PHYKPL: variants seen among roughly 807,000 people sequenced by gnomAD.
PHYKPL encodes the protein 5-phosphohydroxy-L-lysine phospho-lyase.
A neutral mutation model predicts 51.3 loss-of-function variants in PHYKPL; 42 were observed. The ratio of observed to expected loss-of-function variants is 0.82; its 90% CI spans 0.64 to 1.06. The LOEUF (loss-of-function observed/expected upper bound fraction) is 1.06. PHYKPL is among the 50% of genes least tolerant of loss of function. The pLI, the probability that PHYKPL is intolerant of heterozygous loss-of-function variation, is 0.00. For missense variants in PHYKPL, 655 were observed against 586.6 expected (o/e 1.12, Z -1.20); for synonymous variants, 264 against 236.0 (o/e 1.12, Z -1.09).
chr5:178,221,024 G>A (rs995187986), intron 8 of PHYKPL, among the ~76,000 whole-genome samples: 4 of 152,092 alleles, frequency 2.6e-5, no homozygotes, highest in African/African-American at 9.7e-5. Flanking sequence ...GGGAATTGGG[G>A]GGAACATCTG....
Position 178,232,540 on chromosome 5 carries a change from T to G in PHYKPL, c.11A>C (p.Asp4Ala). 1 of 1,164,998 alleles carries G rather than the reference T, an allele frequency of 8.6e-7. No individual in the cohort carries two copies. Among genetic ancestry groups the G allele is most frequent in the Non-Finnish European group, 1.1e-6 (1 of 944,378 alleles). The allele number at this position is 1,164,998 out of a possible 1,614,324, so 72.2% of individuals were successfully genotyped here. MAA[D>A]QRPKADTLAL... ...CAGCGTGTCGGCCTTCGGGCGCTGGTCTGCGGCCATGGTGGGTGGCCGTCA... is the reference window on the plus strand; with the variant it reads ...CAGCGTGTCGGCCTTCGGGCGCTGGGCTGCGGCCATGGTGGGTGGCCGTCA... The change falls in exon 1 of 13, where the codon GAC (aspartate) becomes GCC (alanine). Residue 4 changes from aspartate to alanine, a missense_variant. By Grantham distance (126) the Asp-to-Ala change is moderately radical. Transcript: ENST00000308158.
chr5:178,222,452 C>T lies in PHYKPL; in HGVS notation c.830G>A (p.Gly277Asp). The change falls in exon 8 of 13, where the codon GGC (glycine) becomes GAC (aspartate). Residue 277 changes from glycine (G) to aspartate (D), a missense_variant. Coordinates refer to ENST00000308158, the MANE Select transcript of PHYKPL (RefSeq NM_153373.4). Reference protein sequence around the residue: ...KDFVPDIVTMGKSIGNGHPVA... With the variant: ...KDFVPDIVTMDKSIGNGHPVA... ...AGGGTGGCCGTTGCCAATGGACTTGCCCATGGTGACGATGTCAGGGACGAA... is the reference window on the plus strand; with the variant it reads ...AGGGTGGCCGTTGCCAATGGACTTGTCCATGGTGACGATGTCAGGGACGAA... 1.2e-6 allele frequency: 2 copies of T among 1,614,270 alleles called. No homozygotes were observed. Among genetic ancestry groups the T allele is most frequent in the Non-Finnish European group, 1.7e-6 (2 of 1,180,056 alleles).
At chr5:178,207,893 C>T (rs1757157457), downstream of PHYKPL, among the ~76,000 whole-genome samples, 1 of 151,962 alleles carries the variant, frequency 6.6e-6, no homozygotes, top group Admixed American at 6.6e-5. Context: ...AGCCTGGTCT[C>T]ACCATGTTGC....
Position 178,213,072 on chromosome 5 carries a change from C to T in PHYKPL, c.1204G>A (p.Asp402Asn), listed in dbSNP as rs745656976. Reference sequence around the variant, plus strand: ...TTCAGGATGTTCCTCCCAGGGCCATCAGTGCTCAGCAAAACGTAGTTCTCC... The same window carrying T: ...TTCAGGATGTTCCTCCCAGGGCCATTAGTGCTCAGCAAAACGTAGTTCTCC... ...LKENYVLLST[D>N]GPGRNILKFK... The change falls in exon 11 of 13, where the codon GAT becomes AAT. Residue 402 changes from aspartate to asparagine, a missense_variant. By Grantham distance (23) the Asp-to-Asn change is conservative (BLOSUM62 1). Transcript: ENST00000308158. 2.5e-6 allele frequency: 4 copies of T among 1,614,226 alleles called. No homozygotes were observed. Among genetic ancestry groups the T allele is most frequent in the Non-Finnish European group, 3.4e-6 (4 of 1,180,038 alleles).
intron 8 of PHYKPL, among the ~76,000 whole-genome samples, chr5:178,217,794 C>T (rs1314819018): frequency 6.9e-6 from 1 of 145,400 alleles, no homozygotes. Context: ...GGAGGCAGAG[C>T]TTGCAGTGAG....
chr5:178,229,165 G>T (rs1257761860), intron 3 of PHYKPL, among the ~76,000 whole-genome samples: 1 of 148,208 alleles, frequency 6.7e-6, no homozygotes, highest in East Asian at 2.0e-4. Flanking sequence ...GCAGTGCAGT[G>T]GTGCAATTTT....
chr5:178,209,126 G>C (rs1020925520), intron 12 of PHYKPL, among the ~76,000 whole-genome samples: 1 of 152,328 alleles, frequency 6.6e-6, no homozygotes, highest in East Asian at 1.9e-4. Context: ...GCATTCTGTC[G>C]GAAGGGTTCT....
At chr5:178,217,052 A>G (rs1397221949) in intron 8 of PHYKPL, 3 of 152,176 alleles carry the variant, frequency 2.0e-5, no homozygotes, top group Non-Finnish European at 4.4e-5. Flanking sequence ...CCAAAACCAA[A>G]TATGTTAAGA....
chr5:178,229,036 T>C lies in PHYKPL; in HGVS notation c.338+904A>G, dbSNP rs188135029. On this transcript the variant is annotated intron_variant, in intron 3 of 12. Coordinates refer to ENST00000308158, the MANE Select transcript of PHYKPL (RefSeq NM_153373.4). ...GTGTGCTGGGTACCATATCCTTTCC[T>C]GCTACAGGGCCTTTCCACAGGCAGT... Among the ~76,000 whole-genome samples, 381 of 152,114 alleles carry C rather than the reference T, an allele frequency of 2.5e-3. 1 individual carries two copies. The highest frequency in any genetic ancestry group is 8.9e-3 in the African/African-American group (368 of 41,472).
chr5:178,230,442 A>G, intron 2 of PHYKPL: 1 of 221,470 alleles, frequency 4.5e-6, no homozygotes, highest in South Asian at 7.1e-5. Context: ...CTGCATCCTC[A>G]CACTCCTGGG....
chr5:178,214,012 G>T (rs1759210292), intron 10 of PHYKPL, among the ~76,000 whole-genome samples: 1 of 152,202 alleles, frequency 6.6e-6, no homozygotes, highest in Non-Finnish European at 1.5e-5. Flanking sequence ...AATCCCTGAG[G>T]CTCCTGGGAG....
intron 10 of PHYKPL, 98 bp from the exon 11 acceptor site, chr5:178,213,201 C>G (rs1318877781): frequency 1.3e-6 from 2 of 1,496,462 alleles, no homozygotes; most frequent in Non-Finnish European, 1.8e-6. Context: ...TCCTCAGAGC[C>G]TTCCATGGGC....
chr5:178,210,589 G>A (rs1212845270), intron 12 of PHYKPL: 3 of 1,613,470 alleles, frequency 1.9e-6, no homozygotes, highest in African/African-American at 1.3e-5. Context: ...AGCCAGCGAC[G>A]TGGTGGCCAT....
chr5:178,210,087 T>G, intron 12 of PHYKPL: 1 of 1,605,226 alleles, frequency 6.2e-7, no homozygotes, highest in Non-Finnish European at 8.5e-7. Flanking sequence ...AGCTCCTGCG[T>G]ATGCTAAATG....
downstream of PHYKPL, chr5:178,207,257 G>GT: frequency 1.2e-6 from 2 of 1,612,428 alleles, no homozygotes; most frequent in South Asian, 2.2e-5. Flanking sequence ...TTGGCCTCCT[G>GT]TGCTGCTGGA....
rs965729470 is a variant in PHYKPL at position 178,232,476 on chromosome 5, C to T, written c.59+16G>A. ...GCAGCCCCGCGCCCCCCGCCGCCCG[C>T]CCCCCGCCCGGGTACCTGATGAGCC... is the stretch of plus-strand genomic sequence containing the variant. On this transcript the variant is annotated intron_variant, in intron 1 of 12. Coordinates refer to ENST00000308158, the MANE Select transcript of PHYKPL (RefSeq NM_153373.4). The T allele has an allele frequency of 2.9e-6, 4 of 1,357,512 alleles. No individual in the cohort carries two copies. The highest frequency in any genetic ancestry group is 3.8e-6 in the Non-Finnish European group (4 of 1,062,842). 84.1% of individuals were successfully genotyped at this position (1,357,512 alleles called of 1,614,324 possible).
intron 12 of PHYKPL, chr5:178,209,326 T>A: frequency 6.2e-7 from 1 of 1,613,748 alleles, no homozygotes; most frequent in Non-Finnish European, 8.5e-7. Context: ...CTCTTGACTT[T>A]TAGTGTGAGA....
intron 8 of PHYKPL, among the ~76,000 whole-genome samples, chr5:178,218,216 CAAAA>C (rs777929826): frequency 1.7e-4 from 10 of 58,284 alleles, no homozygotes; most frequent in South Asian, 1.5e-3. Flanking sequence ...AACTCCGTCT[CAAAA>C]AAAAAAAAAA....
intron 9 of PHYKPL, 53 bp from the exon 10 acceptor site, chr5:178,214,938 G>T: frequency 6.5e-7 from 1 of 1,534,564 alleles, no homozygotes; most frequent in Non-Finnish European, 9.0e-7. Flanking sequence ...GGGCCAGGGT[G>T]CTGGCCTCAG....
Sources: allele counts gnomAD v4.1 joint callset (sites outside exome capture counted in the v4.1 genomes callset), GRCh38; gene constraint gnomAD v4.1.1; transcripts MANE v1.5; gene names NCBI Gene and HGNC (gene_info 2026-07-23, HGNC 2026-07-21).